The following DLGAP2 variants were observed in gnomAD, a reference collection of about 807,000 sequenced individuals.
DLGAP2 encodes the protein DLG associated protein 2.
In DLGAP2, 26 loss-of-function variants were observed where a neutral mutation model predicts 100.3. The ratio of observed to expected loss-of-function variants is 0.26; its 90% confidence interval spans 0.19 to 0.36. The LOEUF (loss-of-function observed/expected upper bound fraction) is 0.36, where lower values mean the gene tolerates loss of function less well. Among genes scored for constraint, DLGAP2 ranks in the 10% least tolerant of loss-of-function variants. The pLI, the probability that DLGAP2 is intolerant of heterozygous loss-of-function variation, is 1.00. For missense variants in DLGAP2, 1,858 were observed against 1,453.2 expected (o/e 1.28, Z -4.53); for synonymous variants, 886 against 630.1 (o/e 1.41, Z -6.08).
intron 3 of DLGAP2, among the ~76,000 whole-genome samples, chr8:1,381,762 G>GT (rs1245907881): frequency 6.7e-6 from 1 of 149,238 alleles, no homozygotes; most frequent in Non-Finnish European, 1.5e-5. Context: ...TTCTTCCTTA[G>GT]TAAATCTGAG....
chr8:1,269,219 C>T lies in DLGAP2; in HGVS notation c.106+10336C>T, dbSNP rs566770510. 2.0e-5 allele frequency among the ~76,000 whole-genome samples: 3 copies of T among 152,302 alleles called. No homozygotes were observed. The South Asian group carries it at 6.2e-4, about 32-fold the overall frequency. On this transcript the variant is annotated intron_variant, in intron 3 of 14. Coordinates refer to ENST00000637795, the MANE Select transcript of DLGAP2 (RefSeq NM_001346810.2). The stretch of plus-strand genomic sequence containing the variant: ...TCCTGGATTTTCTTGATTTTCCTGC[C>T]TGCATTTCACAGCAGTAAATGAGTC...
Position 1,452,804 on chromosome 8 carries a change from C to T in DLGAP2, c.107-48562C>T, listed in dbSNP as rs562135917. On this transcript the variant is annotated intron_variant, in intron 3 of 14. Transcript: ENST00000637795. Reference sequence around the variant, plus strand: ...TCTGGGGACCCGAGCTTCTTAGAAACGCAGGTCTATGGATCCCAGCCTATG... The same window carrying T: ...TCTGGGGACCCGAGCTTCTTAGAAATGCAGGTCTATGGATCCCAGCCTATG... 7.2e-5 allele frequency among the ~76,000 whole-genome samples: 11 copies of T among 152,226 alleles called. No homozygotes were observed. The South Asian group carries it at 8.3e-4, about 12-fold the overall frequency.
chr8:1,075,813 T>C (rs1373056250), intron 2 of DLGAP2, among the ~76,000 whole-genome samples: 1 of 151,694 alleles, frequency 6.6e-6, no homozygotes, highest in Non-Finnish European at 1.5e-5. Context: ...AGGCCTGTAA[T>C]CCCAGCACCT....
At position 1,549,347 on chromosome 8, in the gene DLGAP2, C is replaced by T; in HGVS notation, c.894C>T (p.Ser298=). The T allele has an allele frequency of 6.2e-7, 1 of 1,613,364 alleles. No homozygotes were observed. The highest frequency in any genetic ancestry group is 8.5e-7 in the Non-Finnish European group (1 of 1,179,772). The change falls in exon 5 of 15, where the codon AGC becomes AGT. Residue 298 remains serine, a synonymous_variant. Transcript: ENST00000637795. ...GGCCCGGCATGAGCAGCTGGTGGAG[C>T]TCGGACGACAACCTGGACAGCGACA... The part of the protein sequence containing the change: ...KPRPGMSSWW[S]SDDNLDSDST...
intron 3 of DLGAP2, among the ~76,000 whole-genome samples, chr8:1,437,201 A>G (rs934487008): frequency 6.7e-6 from 1 of 149,952 alleles, no homozygotes; most frequent in African/African-American, 2.5e-5. Flanking sequence ...CGTTCAGCCC[A>G]GGCGCGTAAG....
intron 5 of DLGAP2, among the ~76,000 whole-genome samples, chr8:1,561,768 G>A (rs535850214): frequency 4.8e-5 from 5 of 103,470 alleles, no homozygotes; most frequent in East Asian, 3.0e-4. Flanking sequence ...GGGTGTCCGC[G>A]CCTCGTTACT....
At chr8:1,694,971 G>A (rs186863370) in intron 13 of DLGAP2, among the ~76,000 whole-genome samples, 3 of 152,274 alleles carry the variant, frequency 2.0e-5, no homozygotes, top group African/African-American at 7.2e-5. Context: ...ACCATGCCAG[G>A]CTGTGCCCGT....
chr8:1,579,749 C>T (rs1356068129), intron 6 of DLGAP2, among the ~76,000 whole-genome samples: 4 of 152,176 alleles, frequency 2.6e-5, no homozygotes, highest in Admixed American at 6.5e-5. Flanking sequence ...CATGCAAAGA[C>T]GTAAAAAATA....
At chr8:1,354,430 T>C (rs1223018041) in intron 3 of DLGAP2, among the ~76,000 whole-genome samples, 1 of 152,172 alleles carries the variant, frequency 6.6e-6, no homozygotes, top group Non-Finnish European at 1.5e-5. Flanking sequence ...CCAGAATCAC[T>C]TGAACTCGGG....
At chr8:1,020,988 C>G (rs1310605248) in intron 2 of DLGAP2, among the ~76,000 whole-genome samples, 1 of 152,170 alleles carries the variant, frequency 6.6e-6, no homozygotes, top group Admixed American at 6.5e-5. Context: ...AAGTGTTATG[C>G]ACCTTTTATA....
chr8:1,091,735 C>T (rs954732030), intron 2 of DLGAP2, among the ~76,000 whole-genome samples: 2 of 152,158 alleles, frequency 1.3e-5, no homozygotes, highest in African/African-American at 2.4e-5. Context: ...TGCGTGTCTC[C>T]CGTGGAAGCT....
At chr8:773,273 A>C (rs1821416131) in intron 1 of DLGAP2, among the ~76,000 whole-genome samples, 1 of 150,586 alleles carries the variant, frequency 6.6e-6, no homozygotes, top group Non-Finnish European at 1.5e-5. Context: ...AAGGGCACTA[A>C]TCCTATTGGA....
intron 3 of DLGAP2, among the ~76,000 whole-genome samples, chr8:1,275,116 C>G (rs1799656592): frequency 6.6e-6 from 1 of 152,164 alleles, no homozygotes; most frequent in South Asian, 2.1e-4. Flanking sequence ...ATTTCGAGCA[C>G]TGGCTCAATG....
intron 1 of DLGAP2, among the ~76,000 whole-genome samples, chr8:766,028 G>C (rs1256067217): frequency 6.6e-6 from 1 of 152,150 alleles, no homozygotes; most frequent in Admixed American, 6.5e-5. Flanking sequence ...TCAGCTGGGC[G>C]TGGTGGCATG....
chr8:1,238,176 C>G lies in DLGAP2; in HGVS notation c.74-20675C>G, dbSNP rs377042984. On this transcript the variant is annotated intron_variant, in intron 2 of 14. Transcript: ENST00000637795. ...CACACATAGCGTCATGTCTAGTTCT[C>G]TCTCACACAGAGCATCATGTCTAGT... Among the ~76,000 whole-genome samples the G allele has an allele frequency of 1.5e-4, 5 of 34,346 alleles. 1 individual carries two copies. Among genetic ancestry groups the G allele is most frequent in the Non-Finnish European group, 1.1e-4 (2 of 18,022 alleles). 22.5% of individuals were successfully genotyped at this position (34,346 alleles called of 152,430 possible).
At chr8:1,387,090 G>A (rs150038184) in intron 3 of DLGAP2, among the ~76,000 whole-genome samples, 11 of 152,246 alleles carry the variant, frequency 7.2e-5, no homozygotes, top group African/African-American at 2.2e-4. Context: ...GGGTGTGGTC[G>A]AAAAGCTCAG....
chr8:1,336,139 C>A (rs140501342), intron 3 of DLGAP2, among the ~76,000 whole-genome samples: 62 of 152,350 alleles, frequency 4.1e-4, no homozygotes, highest in African/African-American at 1.4e-3. Context: ...CATTGGTGAC[C>A]CCATGGGTCC....
rs145178435 is a variant in DLGAP2, at chr8:1,436,018, A to AATTT, written c.107-65346_107-65345insTTAT. Among the ~76,000 whole-genome samples, 234 of 152,340 alleles carry AATTT rather than the reference A, an allele frequency of 1.5e-3. 1 individual carries two copies. The highest frequency in any genetic ancestry group is 5.3e-3 in the African/African-American group (222 of 41,578). Reference sequence around the variant, plus strand: ...GAGAGTCAAACAGTTTTAAAAATAAAATAAAGTACAAGAGTTACAGTGTGT... The same window carrying AATTT: ...GAGAGTCAAACAGTTTTAAAAATAAAATTTATAAAGTACAAGAGTTACAGTGTGT... On this transcript the variant is annotated intron_variant, in intron 3 of 14. Coordinates refer to ENST00000637795, the MANE Select transcript of DLGAP2 (RefSeq NM_001346810.2).
intron 2 of DLGAP2, among the ~76,000 whole-genome samples, chr8:943,659 C>T (rs560415416): frequency 4.0e-5 from 6 of 151,764 alleles, no homozygotes; most frequent in South Asian, 4.2e-4. Context: ...GCCACAAGCA[C>T]GGCAAGAACC....
Sources: gnomAD v4.1 joint callset for allele counts (sites outside exome capture counted in the v4.1 genomes callset) on GRCh38, gnomAD v4.1.1 for gene constraint, MANE v1.5 for transcripts, NCBI Gene and HGNC (gene_info 2026-07-23, HGNC 2026-07-21) for gene names.